The following TMEM45B variants were observed in gnomAD, a reference collection of about 807,000 sequenced individuals.
TMEM45B encodes the protein transmembrane protein 45B.
A neutral mutation model predicts 27.3 loss-of-function variants in TMEM45B; 29 were observed. The ratio of observed to expected loss-of-function variants is 1.06; its 90% confidence interval spans 0.79 to 1.45. TMEM45B has a LOEUF of 1.45. Among genes scored for constraint, TMEM45B ranks in the 40% most tolerant of loss-of-function variants. TMEM45B has a pLI of 0.00. For synonymous variants in TMEM45B, 143 were observed against 134.7 expected (o/e 1.06, Z -0.43); for missense variants, 348 against 343.9 (o/e 1.01, Z -0.09).
At position 129,856,709 on chromosome 11, in the gene TMEM45B, G is replaced by A. The variant is rs576602093; in HGVS notation, c.571-604G>A. ...CAAGTAGCTGGGACTACAGGCGCCC[G>A]CCACCACGCCTGGCTAATTTTTTGT... On this transcript the variant is annotated intron_variant, in intron 4 of 5. Coordinates refer to ENST00000281441, the MANE Select transcript of TMEM45B (RefSeq NM_138788.5). 5.8e-4 allele frequency among the ~76,000 whole-genome samples: 87 copies of A among 149,598 alleles called. No homozygotes were observed. The East Asian group carries it at 0.017, about 29-fold the overall frequency.
intron 2 of TMEM45B, among the ~76,000 whole-genome samples, chr11:129,853,400 A>AGT (rs1409090256): frequency 1.3e-5 from 2 of 152,210 alleles, no homozygotes; most frequent in African/African-American, 4.8e-5. Context: ...TCTTGGAGAG[A>AGT]GTGAAGCAAC....
chr11:129,825,493 G>C (rs1256626529), intron 1 of TMEM45B, among the ~76,000 whole-genome samples: 1 of 152,194 alleles, frequency 6.6e-6, no homozygotes. Flanking sequence ...CTGTTCAGCA[G>C]GTTGTTGGAT....
At chr11:129,825,922 T>G (rs1352823706) in intron 1 of TMEM45B, among the ~76,000 whole-genome samples, 2 of 152,148 alleles carry the variant, frequency 1.3e-5, no homozygotes, top group African/African-American at 4.8e-5. Flanking sequence ...CTGAACTAAA[T>G]GTATTCTTTC....
At chr11:129,843,938 T>G (rs1307464254) in intron 1 of TMEM45B, among the ~76,000 whole-genome samples, 1 of 152,204 alleles carries the variant, frequency 6.6e-6, no homozygotes, top group Non-Finnish European at 1.5e-5. Context: ...GCAATTTCAC[T>G]TCTGTGTATA....
intron 1 of TMEM45B, among the ~76,000 whole-genome samples, chr11:129,845,439 T>C (rs192391266): frequency 1.8e-4 from 27 of 152,098 alleles, no homozygotes; most frequent in African/African-American, 6.0e-4. Flanking sequence ...TTATCAGAAT[T>C]AAGTTACTAT....
At chr11:129,837,584 G>GTTTTTTTTTTTTTTTTT (rs1387294363) in intron 1 of TMEM45B, among the ~76,000 whole-genome samples, 14 of 34,946 alleles carry the variant, frequency 4.0e-4, no homozygotes, top group Non-Finnish European at 8.1e-4. Context: ...ACTGCACTGG[G>GTTTTTTTTTTTTTTTTT]CTTTTTTTTT....
chr11:129,836,292 G>GCGA (rs1555070635), intron 1 of TMEM45B, among the ~76,000 whole-genome samples: 1 of 151,642 alleles, frequency 6.6e-6, no homozygotes, highest in Non-Finnish European at 1.5e-5. Flanking sequence ...TTCACAGCTG[G>GCGA]AGAATTTTGC....
chr11:129,825,853 C>T (rs1947471452), intron 1 of TMEM45B, among the ~76,000 whole-genome samples: 1 of 152,202 alleles, frequency 6.6e-6, no homozygotes, highest in Non-Finnish European at 1.5e-5. Flanking sequence ...AAATTTGACT[C>T]CATGACTTTG....
intron 1 of TMEM45B, among the ~76,000 whole-genome samples, chr11:129,843,906 A>C (rs760113529): frequency 1.7e-4 from 26 of 152,216 alleles, no homozygotes; most frequent in Non-Finnish European, 3.4e-4. Context: ...AAAAATTAAA[A>C]ATAGAGCTAC....
intron 1 of TMEM45B, among the ~76,000 whole-genome samples, chr11:129,839,724 C>T (rs1189757790): frequency 6.6e-6 from 1 of 152,118 alleles, no homozygotes; most frequent in Non-Finnish European, 1.5e-5. Flanking sequence ...TTAGTAGAGA[C>T]GGGTCTCACT....
At chr11:129,820,835 A>T (rs1947410352) in intron 1 of TMEM45B, among the ~76,000 whole-genome samples, 1 of 152,154 alleles carries the variant, frequency 6.6e-6, no homozygotes, top group Non-Finnish European at 1.5e-5. Context: ...CTGAGTATAG[A>T]ACCCTAGCGG....
chr11:129,823,561 T>G (rs1947446159), intron 1 of TMEM45B, among the ~76,000 whole-genome samples: 1 of 152,196 alleles, frequency 6.6e-6, no homozygotes, highest in Non-Finnish European at 1.5e-5. Flanking sequence ...TTGACCCTAT[T>G]ATCTGTTTTA....
intron 1 of TMEM45B, among the ~76,000 whole-genome samples, chr11:129,834,433 AG>A (rs1387690682): frequency 3.8e-5 from 1 of 26,512 alleles, no homozygotes; most frequent in African/African-American, 7.6e-5. Context: ...TCAGTCTCAA[AG>A]GAAAAAAAAA....
chr11:129,830,254 G>A (rs1232070312), intron 1 of TMEM45B, among the ~76,000 whole-genome samples: 4 of 152,222 alleles, frequency 2.6e-5, no homozygotes, highest in African/African-American at 4.8e-5. Flanking sequence ...TTGAACCTGG[G>A]AGGTGAAGGT....
At chr11:129,841,140 G>A (rs1947686987) in intron 1 of TMEM45B, among the ~76,000 whole-genome samples, 1 of 151,614 alleles carries the variant, frequency 6.6e-6, no homozygotes, top group Non-Finnish European at 1.5e-5. Flanking sequence ...TTTTGCCTGT[G>A]GCTGCTCCCA....
At chr11:129,852,762 A>G (rs983019121) in intron 2 of TMEM45B, 102 bp downstream of exon 2, 21 of 1,282,832 alleles carry the variant, frequency 1.6e-5, no homozygotes, top group African/African-American at 3.0e-5. Flanking sequence ...ACTGGCAGAG[A>G]TAATAGGGCA....
chr11:129,830,997 T>C (rs1197303579), intron 1 of TMEM45B, among the ~76,000 whole-genome samples: 1 of 152,210 alleles, frequency 6.6e-6, no homozygotes, highest in Non-Finnish European at 1.5e-5. Flanking sequence ...CCCCAGTGGA[T>C]GCTAAAACCA....
intron 1 of TMEM45B, 110 bp downstream of exon 1, chr11:129,816,008 G>T (rs1325693695): frequency 1.6e-6 from 2 of 1,230,920 alleles, no homozygotes; most frequent in Non-Finnish European, 2.0e-6. Flanking sequence ...GACTCGCAGG[G>T]GACCTGCGGG....
intron 4 of TMEM45B, among the ~76,000 whole-genome samples, chr11:129,856,906 G>A (rs1313830484): frequency 6.7e-6 from 1 of 149,692 alleles, no homozygotes; most frequent in African/African-American, 2.5e-5. Context: ...GGGCTGGTGT[G>A]CAGTGTCATG....
Sources: gnomAD v4.1 joint callset for allele counts (sites outside exome capture counted in the v4.1 genomes callset) on GRCh38, gnomAD v4.1.1 for gene constraint, MANE v1.5 for transcripts, NCBI Gene and HGNC (gene_info 2026-07-23, HGNC 2026-07-21) for gene names.